GLDN: variants seen among roughly 807,000 people sequenced by gnomAD.
The protein encoded by GLDN is collomin.
In GLDN, 47 loss-of-function variants were observed where a neutral mutation model predicts 56.5. The observed-to-expected ratio is 0.83, with a 90% confidence interval of 0.66 to 1.06. GLDN has a LOEUF of 1.06. Ranked by LOEUF, GLDN falls within the 50% of genes least tolerant of loss-of-function variation. GLDN has a pLI of 0.00. For missense variants in GLDN, 782 were observed against 714.3 expected, an observed-to-expected ratio of 1.09 and a Z score of -1.08; for synonymous variants, 332 against 278.8, an observed-to-expected ratio of 1.19 and a Z score of -1.90.
intron 9 of GLDN, 87 bp downstream of exon 9, chr15:51,401,830 G>A: frequency 8.2e-7 from 1 of 1,219,348 alleles, no homozygotes. Context: ...TAGGGACTGT[G>A]TTTTCATCAT....
rs1423636610 is a variant in GLDN, at chr15:51,371,168, C to T, written c.364-6281C>T. On this transcript the variant is annotated intron_variant, in intron 1 of 9. Coordinates refer to ENST00000335449, the MANE Select transcript of GLDN (RefSeq NM_181789.4). ...CAAAAAGTTGTGTTGCATTATGTGG[C>T]TTGGGCTGCATTTTGCTTTCGTCAC... is the stretch of plus-strand genomic sequence containing the variant. Among the ~76,000 whole-genome samples, 9 of 152,246 alleles carry T rather than the reference C, an allele frequency of 5.9e-5. No homozygotes were observed. In the East Asian group the frequency reaches 1.5e-3, roughly 26 times the overall value.
Position 51,383,798 on chromosome 15 carries a change from C to T in GLDN, c.447C>T (p.Ala149=), listed in dbSNP as rs745518943. ...GPSGPPGPPG[A]GGLPGHNGLD... ...GTTTTGATGCAGGACCTCCGGGAGC[C>T]GGCGGGTTGCCAGGACACAACGGAT... is the stretch of plus-strand genomic sequence containing the variant. The change falls in exon 4 of 10, where the codon GCC becomes GCT. Residue 149 remains alanine, a synonymous_variant. Coordinates refer to ENST00000335449, the MANE Select transcript of GLDN (RefSeq NM_181789.4). 83 of 1,609,976 alleles carry T rather than the reference C, an allele frequency of 5.2e-5. 2 individuals carry two copies. The highest frequency in any genetic ancestry group is 3.0e-4 in the South Asian group (27 of 90,122).
At chr15:51,408,935 TG>T (rs1356941774), downstream of GLDN, among the ~76,000 whole-genome samples, 1 of 151,896 alleles carries the variant, frequency 6.6e-6, no homozygotes, top group East Asian at 1.9e-4. Flanking sequence ...CTATCATTGT[TG>T]GACATTTGGG....
chr15:51,344,643 G>C (rs2036945521), intron 1 of GLDN, among the ~76,000 whole-genome samples: 1 of 152,044 alleles, frequency 6.6e-6, no homozygotes, highest in Admixed American at 6.5e-5. Flanking sequence ...GAGATCCAAG[G>C]TCCTCACTGT....
chr15:51,383,449 A>G lies in GLDN; in HGVS notation c.429A>G (p.Pro143=). The G allele has an allele frequency of 6.2e-7, 1 of 1,614,000 alleles. No individual in the cohort carries two copies. Among genetic ancestry groups the G allele is most frequent in the South Asian group, 1.1e-5 (1 of 91,068 alleles). ...KGICLTGPSG[P]PGPPGAGGLP... The stretch of plus-strand genomic sequence containing the variant: ...TTTCCGTTGTAGGACCTTCTGGACC[A>G]CCAGGTAAGAGCCCATGGATTTTCT... The change falls in exon 3 of 10, where the codon CCA becomes CCG. Residue 143 remains proline, a synonymous_variant. Coordinates refer to ENST00000335449, the MANE Select transcript of GLDN (RefSeq NM_181789.4).
chr15:51,371,178 A>C (rs2037509460), intron 1 of GLDN, among the ~76,000 whole-genome samples: 1 of 152,112 alleles, frequency 6.6e-6, no homozygotes, highest in Non-Finnish European at 1.5e-5. Flanking sequence ...CTTGGGCTGC[A>C]TTTTGCTTTC....
intron 4 of GLDN, among the ~76,000 whole-genome samples, chr15:51,393,717 C>T (rs1263923161): frequency 1.3e-5 from 2 of 152,176 alleles, no homozygotes; most frequent in East Asian, 3.9e-4. Context: ...GATCCTTCTC[C>T]CTGTGCCACT....
intron 4 of GLDN, among the ~76,000 whole-genome samples, chr15:51,392,369 G>C (rs1027797611): frequency 6.6e-6 from 1 of 152,156 alleles, no homozygotes; most frequent in Non-Finnish European, 1.5e-5. Flanking sequence ...ATTCTCATAG[G>C]AGTGCAAAGC....
intron 1 of GLDN, among the ~76,000 whole-genome samples, chr15:51,345,508 T>C (rs572170505): frequency 1.4e-4 from 21 of 152,338 alleles, no homozygotes; most frequent in African/African-American, 5.1e-4. Flanking sequence ...GATTCCATAA[T>C]AGTCAAATGA....
downstream of GLDN, among the ~76,000 whole-genome samples, chr15:51,409,430 ATCT>A (rs1347613492): frequency 2.0e-5 from 3 of 152,208 alleles, no homozygotes; most frequent in Non-Finnish European, 4.4e-5. Context: ...AAGATCCCTA[ATCT>A]TCTATCTATT....
At chr15:51,377,365 G>T in intron 1 of GLDN, 84 bp from the exon 2 acceptor site, 6 of 1,187,690 alleles carry the variant, frequency 5.1e-6, no homozygotes, top group Non-Finnish European at 7.4e-6. Flanking sequence ...GACTTTTTAT[G>T]ATTGCTTTCT....
rs551845829 is a variant in GLDN, at chr15:51,363,332, C to T, written c.364-14117C>T. 4.6e-5 allele frequency among the ~76,000 whole-genome samples: 7 copies of T among 152,266 alleles called. No homozygotes were observed. In the South Asian group the frequency reaches 1.0e-3, roughly 23 times the overall value. On this transcript the variant is annotated intron_variant, in intron 1 of 9. Coordinates refer to ENST00000335449, the MANE Select transcript of GLDN (RefSeq NM_181789.4). ...TTATAAACAACAAAATTCAATCAAT[C>T]AACTGTATTGTGAGCCTTTTGTGCC...
rs145465722 is a variant in GLDN at position 51,343,477 on chromosome 15, C to A, written c.363+1430C>A. ...AGCATCATTGTTTTACATTTTTAAT[C>A]CTGCTTTTAAGGTAGAAGCTTTCGT... On this transcript the variant is annotated intron_variant, in intron 1 of 9. Coordinates refer to ENST00000335449, the MANE Select transcript of GLDN (RefSeq NM_181789.4). 7.2e-5 allele frequency among the ~76,000 whole-genome samples: 11 copies of A among 152,298 alleles called. 1 individual carries two copies. Among genetic ancestry groups the A allele is most frequent in the African/African-American group, 2.6e-4 (11 of 41,568 alleles).
chr15:51,353,279 T>G (rs76769678), intron 1 of GLDN, among the ~76,000 whole-genome samples: 2,143 of 152,140 alleles, frequency 0.014, 20 homozygotes, highest in Non-Finnish European at 0.023. Flanking sequence ...AACCCTAGCC[T>G]CTGAACTTTT....
intron 2 of GLDN, among the ~76,000 whole-genome samples, chr15:51,379,556 C>T (rs1216084726): frequency 6.6e-6 from 1 of 152,166 alleles, no homozygotes; most frequent in East Asian, 1.9e-4. Context: ...TCTGCTGTTC[C>T]AGAAAGCCAG....
Position 51,383,784 on chromosome 15 carries a change from G to A in GLDN, c.434-1G>A. On this transcript the variant is annotated splice_acceptor_variant, in intron 3 of 9. Transcript: ENST00000335449. LOFTEE classifies it high-confidence loss of function. ...GTCCCTGTTTCTGTGTTTTGATGCA[G>A]GACCTCCGGGAGCCGGCGGGTTGCC... is the stretch of plus-strand genomic sequence containing the variant. The A allele has an allele frequency of 6.3e-7, 1 of 1,599,908 alleles. No homozygotes were observed. The highest frequency in any genetic ancestry group is 8.5e-7 in the Non-Finnish European group (1 of 1,174,406).
chr15:51,363,214 A>C (rs1167170959), intron 1 of GLDN, among the ~76,000 whole-genome samples: 1 of 152,170 alleles, frequency 6.6e-6, no homozygotes, highest in African/African-American at 2.4e-5. Flanking sequence ...GGAGATGCTA[A>C]GCATGATATT....
chr15:51,387,306 T>C (rs1308130924), intron 4 of GLDN, among the ~76,000 whole-genome samples: 1 of 152,168 alleles, frequency 6.6e-6, no homozygotes, highest in African/African-American at 2.4e-5. Context: ...GAACTTTCCA[T>C]CTTTGGTGGA....
intron 9 of GLDN, among the ~76,000 whole-genome samples, chr15:51,403,584 C>T (rs1439764179): frequency 6.6e-6 from 1 of 152,130 alleles, no homozygotes; most frequent in Non-Finnish European, 1.5e-5. Flanking sequence ...ATCATACAGC[C>T]TCCAGGAGCT....
Sources: allele counts gnomAD v4.1 joint callset (sites outside exome capture counted in the v4.1 genomes callset), GRCh38; gene constraint gnomAD v4.1.1; transcripts MANE v1.5; gene names NCBI Gene and HGNC (gene_info 2026-07-23, HGNC 2026-07-21).